Variants in ZNF652 observed in about 807,000 individuals in gnomAD.
ZNF652 encodes the protein zinc finger protein 652.
ZNF652 carries 16 observed loss-of-function variants against 45.2 expected under a neutral mutation model. The ratio of observed to expected loss-of-function variants is 0.35; its 90% CI spans 0.24 to 0.54. The LOEUF (loss-of-function observed/expected upper bound fraction) is 0.54. ZNF652 is among the 20% of genes least tolerant of loss of function. The pLI is 0.91. For missense variants in ZNF652, 614 were observed against 765.6 expected (o/e 0.80, Z 2.34); for synonymous variants, 250 against 260.6 (o/e 0.96, Z 0.39).
intron 2 of ZNF652, among the ~76,000 whole-genome samples, chr17:49,314,511 T>A (rs9910914): frequency 0.026 from 3,926 of 152,200 alleles, 160 homozygotes; most frequent in African/African-American, 0.086. Flanking sequence ...AAACTTTAAT[T>A]AACTAAAGCC....
chr17:49,339,618 G>T (rs1206284860), intron 1 of ZNF652, among the ~76,000 whole-genome samples: 1 of 152,258 alleles, frequency 6.6e-6, no homozygotes, highest in East Asian at 1.9e-4. Flanking sequence ...AGTGACATCC[G>T]ACATTATCTT....
At position 49,311,302 on chromosome 17, in the gene ZNF652, A is replaced by G; in HGVS notation, c.1309+10T>C. On this transcript the variant is annotated intron_variant, in intron 5 of 5. Coordinates refer to ENST00000430262, the MANE Select transcript of ZNF652 (RefSeq NM_001145365.3). ...AGACATTATCTGTACCTTTCCCAAG[A>G]AATTCTTACCAGTGTGTGTTTTCAT... The G allele has an allele frequency of 6.2e-7, 1 of 1,613,642 alleles. No homozygotes were observed. The highest frequency in any genetic ancestry group is 8.5e-7 in the Non-Finnish European group (1 of 1,179,598).
chr17:49,305,113 G>A (rs1302946014), intron 5 of ZNF652, among the ~76,000 whole-genome samples: 16 of 151,706 alleles, frequency 1.1e-4, no homozygotes, highest in Non-Finnish European at 1.9e-4. Flanking sequence ...CCCACATCTG[G>A]GACTAACCCT....
intron 2 of ZNF652, among the ~76,000 whole-genome samples, chr17:49,313,973 C>CAAAAAAAAAAAAAAAAAAAAAAAAAAA (rs71144595): frequency 1.3e-4 from 3 of 22,872 alleles, no homozygotes; most frequent in African/African-American, 1.9e-4. Context: ...AACTCCATCT[C>CAAAAAAAAAAAAAAAAAAAAAAAAAAA]AAAAAAAAAA....
At chr17:49,350,751 C>G (rs139008502) in intron 1 of ZNF652, among the ~76,000 whole-genome samples, 301 of 151,420 alleles carry the variant, frequency 2.0e-3, no homozygotes, top group Non-Finnish European at 2.8e-3. Context: ...AGGCGAATCA[C>G]CTGAGGTCAG....
At chr17:49,307,435 GAAAAAAA>G (rs1175854049) in intron 5 of ZNF652, among the ~76,000 whole-genome samples, 2 of 40,476 alleles carry the variant, frequency 4.9e-5, no homozygotes, top group East Asian at 9.5e-4. Context: ...TGTCTCAAAA[GAAAAAAA>G]AAAAAAAAAA....
intron 1 of ZNF652, among the ~76,000 whole-genome samples, chr17:49,335,899 C>T (rs921609154): frequency 6.6e-6 from 1 of 152,184 alleles, no homozygotes. Context: ...ACACTTAACA[C>T]CATTCCTTGG....
At chr17:49,322,244 A>C (rs2069902444) in intron 1 of ZNF652, 1 of 152,226 alleles carries the variant, frequency 6.6e-6, no homozygotes, top group South Asian at 2.1e-4. Context: ...ATAACTCAGA[A>C]ATAATGTTAG....
chr17:49,315,052 T>C (rs1217595328), intron 2 of ZNF652, among the ~76,000 whole-genome samples: 3 of 148,792 alleles, frequency 2.0e-5, no homozygotes, highest in Non-Finnish European at 4.5e-5. Context: ...GTTTTTTTTT[T>C]TTTTTTGAGA....
At chr17:49,353,774 C>T (rs960155186) in intron 1 of ZNF652, among the ~76,000 whole-genome samples, 1 of 152,132 alleles carries the variant, frequency 6.6e-6, no homozygotes, top group Non-Finnish European at 1.5e-5. Flanking sequence ...CTGCTTCTTA[C>T]TGTGGATCAT....
intron 1 of ZNF652, among the ~76,000 whole-genome samples, chr17:49,353,000 A>C (rs146892335): frequency 1.3e-4 from 20 of 152,132 alleles, no homozygotes; most frequent in African/African-American, 4.1e-4. Context: ...AGTGGGAGGG[A>C]GTTATCTGGA....
intron 1 of ZNF652, among the ~76,000 whole-genome samples, chr17:49,339,957 C>T (rs928746452): frequency 6.6e-6 from 1 of 152,076 alleles, no homozygotes; most frequent in Non-Finnish European, 1.5e-5. Context: ...TGGTCTTGAA[C>T]TCCTGACCTC....
intron 1 of ZNF652, among the ~76,000 whole-genome samples, chr17:49,320,737 A>T (rs2069878291): frequency 6.6e-6 from 1 of 152,262 alleles, no homozygotes; most frequent in South Asian, 2.1e-4. Flanking sequence ...GGTAAAATTC[A>T]ATTAACTAGC....
chr17:49,327,779 ATT>A (rs375857868), intron 1 of ZNF652, among the ~76,000 whole-genome samples: 156 of 4,034 alleles, frequency 0.039, no homozygotes, highest in Non-Finnish European at 0.068. Flanking sequence ...ATATATATAT[ATT>A]TTTTTTTTTT....
At chr17:49,288,747 G>C (rs1024373962), downstream of ZNF652, among the ~76,000 whole-genome samples, 1 of 152,166 alleles carries the variant, frequency 6.6e-6, no homozygotes, top group African/African-American at 2.4e-5. Flanking sequence ...CTGAATGAAG[G>C]GGGTAGAGGT....
Position 49,297,084 on chromosome 17 carries a change from G to T in ZNF652, c.*1329C>A, listed in dbSNP as rs946241892. On this transcript the variant is annotated 3_prime_UTR_variant, in exon 6 of 6. Coordinates refer to ENST00000430262, the MANE Select transcript of ZNF652 (RefSeq NM_001145365.3). Reference sequence around the variant, plus strand: ...ACTATATTTAAACTGTGTTAAAATAGCTCAAGGTTGTGAACATATCCACAT... The same window carrying T: ...ACTATATTTAAACTGTGTTAAAATATCTCAAGGTTGTGAACATATCCACAT... 1.3e-5 allele frequency: 2 copies of T among 152,146 alleles called. No individual in the cohort carries two copies. The highest frequency in any genetic ancestry group is 2.9e-5 in the Non-Finnish European group (2 of 68,038). 9.4% of individuals were successfully genotyped at this position (152,146 alleles called of 1,614,324 possible).
At chr17:49,310,154 C>T (rs527867267) in intron 5 of ZNF652, among the ~76,000 whole-genome samples, 1 of 152,102 alleles carries the variant, frequency 6.6e-6, no homozygotes, top group African/African-American at 2.4e-5. Context: ...GGGGTTTCAC[C>T]GTGTTAGCCA....
chr17:49,299,197 C>T (rs148372673), intron 5 of ZNF652, among the ~76,000 whole-genome samples: 211 of 152,106 alleles, frequency 1.4e-3, no homozygotes, highest in African/African-American at 4.9e-3. Context: ...CTAAAACTTA[C>T]ATACACCCTA....
intron 1 of ZNF652, among the ~76,000 whole-genome samples, chr17:49,326,060 T>G (rs1367190396): frequency 6.6e-6 from 1 of 151,968 alleles, no homozygotes; most frequent in African/African-American, 2.4e-5. Context: ...CAGAAACATC[T>G]GTACTCAAAA....
Sources: gnomAD v4.1 joint callset for allele counts (sites outside exome capture counted in the v4.1 genomes callset) on GRCh38, gnomAD v4.1.1 for gene constraint, MANE v1.5 for transcripts, NCBI Gene and HGNC (gene_info 2026-07-23, HGNC 2026-07-21) for gene names.